FIGN: variants seen among roughly 807,000 people sequenced by gnomAD.
The protein encoded by FIGN is fidgetin, microtubule severing factor, also known as fidgetin.
A neutral mutation model predicts 51.3 loss-of-function variants in FIGN; 11 were observed. That is an observed-to-expected ratio of 0.21 (90% confidence interval 0.13 to 0.35). The LOEUF is 0.35. Among genes scored for constraint, FIGN ranks in the 10% least tolerant of loss-of-function variants. The probability of loss-of-function intolerance (pLI) is 1.00; values close to 1 mark genes in which losing one functional copy is unlikely to be tolerated. For missense variants in FIGN, 857 were observed against 943.6 expected, an observed-to-expected ratio of 0.91 and a Z score of 1.20; for synonymous variants, 407 against 363.2, an observed-to-expected ratio of 1.12 and a Z score of -1.37.
intron 2 of FIGN, among the ~76,000 whole-genome samples, chr2:163,726,776 T>C (rs1684844170): frequency 6.6e-6 from 1 of 152,082 alleles, no homozygotes; most frequent in African/African-American, 2.4e-5. Context: ...TTCCTAGCAG[T>C]AAAATTTATC....
chr2:163,721,815 T>C (rs1460370986), intron 2 of FIGN, among the ~76,000 whole-genome samples: 2 of 152,224 alleles, frequency 1.3e-5, no homozygotes, highest in Non-Finnish European at 2.9e-5. Context: ...CTTAGTAAAA[T>C]TGTGTTTTTA....
chr2:163,718,216 G>A (rs1684699925), intron 2 of FIGN, among the ~76,000 whole-genome samples: 1 of 152,122 alleles, frequency 6.6e-6, no homozygotes, highest in Admixed American at 6.5e-5. Flanking sequence ...AACACACAAA[G>A]ATAACACAGC....
chr2:163,685,565 C>T (rs1213118886), intron 2 of FIGN, among the ~76,000 whole-genome samples: 2 of 152,150 alleles, frequency 1.3e-5, no homozygotes, highest in Non-Finnish European at 2.9e-5. Flanking sequence ...GGTAGAGGCT[C>T]ATGATTTTAG....
At chr2:163,716,776 TA>T (rs1194987764) in intron 2 of FIGN, among the ~76,000 whole-genome samples, 2 of 152,232 alleles carry the variant, frequency 1.3e-5, no homozygotes, top group African/African-American at 2.4e-5. Flanking sequence ...GCCTTTGATA[TA>T]AAACTATAAT....
At chr2:163,716,717 T>C (rs1432181644) in intron 2 of FIGN, among the ~76,000 whole-genome samples, 1 of 152,220 alleles carries the variant, frequency 6.6e-6, no homozygotes, top group Non-Finnish European at 1.5e-5. Flanking sequence ...ATATAATCCA[T>C]GGAATAAAAT....
At position 163,603,364 on chromosome 2, in the gene FIGN, A is replaced by G. The variant is rs1484194334; in HGVS notation, c.*6188T>C. 6.6e-6 allele frequency: 1 copy of G among 152,128 alleles called. No homozygotes were observed. The highest frequency in any genetic ancestry group is 2.4e-5 in the African/African-American group (1 of 41,444). 9.4% of individuals were successfully genotyped at this position (152,128 alleles called of 1,614,324 possible). On this transcript the variant is annotated 3_prime_UTR_variant, in exon 3 of 3. Transcript: ENST00000333129. ...CTGGTCAAATCCAGCGTATTGTTTC[A>G]ATTTAAGCAAATAAAATCAATATGG...
intron 2 of FIGN, among the ~76,000 whole-genome samples, chr2:163,676,434 AAT>A (rs202072418): frequency 0.011 from 697 of 65,634 alleles, 5 homozygotes; most frequent in African/African-American, 0.018. Context: ...GGATTCCTGG[AAT>A]ATATATATAT....
intron 2 of FIGN, among the ~76,000 whole-genome samples, chr2:163,657,026 G>A (rs1014536550): frequency 3.5e-4 from 53 of 151,288 alleles, no homozygotes; most frequent in African/African-American, 1.2e-3. Flanking sequence ...TCTTTATAAG[G>A]CCAACAGACT....
intron 2 of FIGN, among the ~76,000 whole-genome samples, chr2:163,628,871 A>T (rs1210422847): frequency 3.3e-5 from 5 of 152,152 alleles, no homozygotes. Flanking sequence ...TATATGATGA[A>T]GCAGCTTCCC....
At chr2:163,658,558 T>A (rs946320566) in intron 2 of FIGN, among the ~76,000 whole-genome samples, 1 of 152,106 alleles carries the variant, frequency 6.6e-6, no homozygotes, top group Non-Finnish European at 1.5e-5. Context: ...TCAGGCTGCT[T>A]CCACTCATGG....
Position 163,706,944 on chromosome 2 carries a change from C to T in FIGN, c.25+27959G>A, listed in dbSNP as rs749016301. On this transcript the variant is annotated intron_variant, in intron 2 of 2. Coordinates refer to ENST00000333129, the MANE Select transcript of FIGN (RefSeq NM_018086.4). ...AAAACTTTCATATTCCTGAATGTCA[C>T]GGCCATTGCAGCATCAGTTACATCT... Among the ~76,000 whole-genome samples, 9 of 152,112 alleles carry T rather than the reference C, an allele frequency of 5.9e-5. No individual in the cohort carries two copies. The East Asian group carries it at 9.6e-4, about 16-fold the overall frequency.
chr2:163,715,902 C>G (rs2105359547), intron 2 of FIGN, among the ~76,000 whole-genome samples: 1 of 152,262 alleles, frequency 6.6e-6, no homozygotes. Context: ...GGGTGGTATT[C>G]TGCATAAATG....
chr2:163,624,691 C>CATATATATATAT (rs55969954), intron 2 of FIGN, among the ~76,000 whole-genome samples: 7 of 141,286 alleles, frequency 5.0e-5, no homozygotes, highest in African/African-American at 1.8e-4. Flanking sequence ...TATATACATA[C>CATATATATATAT]ATATATATAT....
chr2:163,667,809 A>G (rs550686313), intron 2 of FIGN, among the ~76,000 whole-genome samples: 1 of 152,232 alleles, frequency 6.6e-6, no homozygotes, highest in Admixed American at 6.5e-5. Flanking sequence ...GTTTATTTGT[A>G]TGCCTTCCTC....
chr2:163,694,342 T>A (rs1684284281), intron 2 of FIGN, among the ~76,000 whole-genome samples: 1 of 152,202 alleles, frequency 6.6e-6, no homozygotes, highest in Non-Finnish European at 1.5e-5. Context: ...GGGAAATGTG[T>A]ACTATAACCT....
chr2:163,716,423 T>C (rs911162940), intron 2 of FIGN, among the ~76,000 whole-genome samples: 1 of 152,204 alleles, frequency 6.6e-6, no homozygotes, highest in Admixed American at 6.5e-5. Context: ...ATATTTAAAA[T>C]GTTGATTATA....
intron 2 of FIGN, among the ~76,000 whole-genome samples, chr2:163,630,058 T>C (rs1301948263): frequency 6.9e-6 from 1 of 145,202 alleles, no homozygotes; most frequent in Non-Finnish European, 1.5e-5. Context: ...CCTCCTGGTC[T>C]CAGGCAATCC....
chr2:163,723,108 G>A (rs1366507289), intron 2 of FIGN, among the ~76,000 whole-genome samples: 6 of 151,790 alleles, frequency 4.0e-5, no homozygotes, highest in South Asian at 2.1e-4. Context: ...GGAGAATGGC[G>A]TGAACCCGGG....
In FIGN at chr2:163,656,185, G is replaced by T. The variant is rs545160313; in HGVS notation, c.26-44379C>A. Among the ~76,000 whole-genome samples the T allele has an allele frequency of 9.2e-5, 14 of 152,202 alleles. No homozygotes were observed. The East Asian group carries it at 2.7e-3, about 29-fold the overall frequency. On this transcript the variant is annotated intron_variant, in intron 2 of 2. Coordinates refer to ENST00000333129, the MANE Select transcript of FIGN (RefSeq NM_018086.4). ...AGCTAATTAACACTAACCCCTAGTT[G>T]CTGACTCTTACTCTTAGAGACATCT...
Sources: allele counts gnomAD v4.1 joint callset (sites outside exome capture counted in the v4.1 genomes callset), GRCh38; gene constraint gnomAD v4.1.1; transcripts MANE v1.5; gene names NCBI Gene and HGNC (gene_info 2026-07-23, HGNC 2026-07-21).